The following TG variants were observed in gnomAD, a reference collection of about 807,000 sequenced individuals.
TG encodes thyroglobulin.
Under a neutral mutation model 324.7 loss-of-function variants are expected in TG, and 270 were observed. That is an observed-to-expected ratio of 0.83 (90% CI 0.75 to 0.92). The LOEUF is 0.92. Among genes scored for constraint, TG ranks in the 40% least tolerant of loss-of-function variants. The pLI is 0.00. For missense variants in TG, 3,591 were observed against 3,456.4 expected, an observed-to-expected ratio of 1.04 and a Z score of -0.98; for synonymous variants, 1,401 against 1,327.0, an observed-to-expected ratio of 1.06 and a Z score of -1.21.
intron 27 of TG, among the ~76,000 whole-genome samples, chr8:132,953,950 A>G (rs1826476691): frequency 1.3e-5 from 2 of 152,098 alleles, no homozygotes; most frequent in South Asian, 4.2e-4. Context: ...AATGGAAAAA[A>G]GGCAGATTAA....
intron 41 of TG, among the ~76,000 whole-genome samples, chr8:133,089,831 G>A (rs73354614): frequency 0.011 from 1,622 of 152,054 alleles, 38 homozygotes; most frequent in African/African-American, 0.038. Flanking sequence ...ACTCCCCCTC[G>A]GAATGGTCAC....
At position 132,917,282 on chromosome 8, in the gene TG, G is replaced by A. The variant is rs116379588; in HGVS notation, c.4379-2094G>A. 4.5e-3 allele frequency among the ~76,000 whole-genome samples: 686 copies of A among 152,102 alleles called. 6 individuals are homozygous for A. Among genetic ancestry groups the A allele is most frequent in the African/African-American group, 0.016 (652 of 41,504 alleles). On this transcript the variant is annotated intron_variant, in intron 20 of 47. Transcript: ENST00000220616. Reference sequence around the variant, plus strand: ...GTTACATCACAGCCAGGGTGGTCAGGGCAGGTGTGCTGGGGTAGGAAATGC... The same window carrying A: ...GTTACATCACAGCCAGGGTGGTCAGAGCAGGTGTGCTGGGGTAGGAAATGC...
At position 132,898,772 on chromosome 8, in the gene TG, T is replaced by C. The variant is rs750060632; in HGVS notation, c.3218-26T>C. 76 of 1,610,400 alleles carry C rather than the reference T, an allele frequency of 4.7e-5. No homozygotes were observed. In the South Asian group the frequency reaches 7.9e-4, roughly 17 times the overall value. ...TTCTCTTGGCTCCCACGACCAGTCCTTTACAAGCACCTCTCTCTCCCACAG... is the reference window on the plus strand; with the variant it reads ...TTCTCTTGGCTCCCACGACCAGTCCCTTACAAGCACCTCTCTCTCCCACAG... On this transcript the variant is annotated intron_variant, in intron 13 of 47. Coordinates refer to ENST00000220616, the MANE Select transcript of TG (RefSeq NM_003235.5).
intron 23 of TG, among the ~76,000 whole-genome samples, 187 bp from the exon 24 acceptor site, chr8:132,933,374 C>A (rs374623519): frequency 0.12 from 317 of 2,742 alleles, no homozygotes; most frequent in East Asian, 0.19. Context: ...GTGTGTGTGC[C>A]TGTGTGTGTG....
intron 19 of TG, among the ~76,000 whole-genome samples, chr8:132,911,919 G>A (rs1163055114): frequency 2.6e-5 from 4 of 152,128 alleles, no homozygotes; most frequent in Non-Finnish European, 5.9e-5. Context: ...TTTAAAACAG[G>A]GCAGTCACGA....
intron 21 of TG, among the ~76,000 whole-genome samples, chr8:132,923,030 A>G (rs1821325738): frequency 6.6e-6 from 1 of 152,180 alleles, no homozygotes. Flanking sequence ...TGTGGGCCAG[A>G]AGAGGGCCCA....
chr8:133,117,457 G>A (rs1850790284), intron 45 of TG, among the ~76,000 whole-genome samples: 1 of 152,212 alleles, frequency 6.6e-6, no homozygotes, highest in Non-Finnish European at 1.5e-5. Context: ...TTTGAATGGA[G>A]GACTATGGGG....
chr8:133,124,512 C>A (rs778455980), intron 45 of TG, among the ~76,000 whole-genome samples: 1 of 152,184 alleles, frequency 6.6e-6, no homozygotes, highest in African/African-American at 2.4e-5. Flanking sequence ...CCATATCTAC[C>A]ATTTATTAGC....
chr8:133,107,299 G>A (rs1030534184), intron 43 of TG, among the ~76,000 whole-genome samples: 6 of 152,176 alleles, frequency 3.9e-5, no homozygotes, highest in African/African-American at 1.4e-4. Flanking sequence ...GGTTGATGCT[G>A]AGGCCCTGCT....
At chr8:132,881,724 G>A in intron 5 of TG, 139 bp from the exon 6 acceptor site, 1 of 716,296 alleles carries the variant, frequency 1.4e-6, no homozygotes, top group South Asian at 1.5e-5. Flanking sequence ...ACTGCAGGAA[G>A]CATGAAGCAA....
At chr8:132,908,369 G>A in intron 18 of TG, 29 bp downstream of exon 18, 1 of 1,612,008 alleles carries the variant, frequency 6.2e-7, no homozygotes, top group Non-Finnish European at 8.5e-7. Context: ...CCACAGTGAG[G>A]GCTTGGACTC....
rs1051237223 is a variant in TG at position 133,021,870 on chromosome 8, A to G, written c.6877-121A>G. 6.5e-6 allele frequency: 8 copies of G among 1,236,028 alleles called. No individual in the cohort carries two copies. The Middle Eastern group carries it at 5.8e-4, about 89-fold the overall frequency. The allele number at this position is 1,236,028 out of a possible 1,614,324, so 76.6% of individuals were successfully genotyped here. ...AGAGGGACACAGCTCCATCCACTGCATGGGGCTAAGTATGCCACAGAGCTG... is the reference window on the plus strand; with the variant it reads ...AGAGGGACACAGCTCCATCCACTGCGTGGGGCTAAGTATGCCACAGAGCTG... On this transcript the variant is annotated intron_variant, in intron 39 of 47. Transcript: ENST00000220616.
Position 132,901,519 on chromosome 8 carries a change from G to C in TG, c.3600G>C (p.Gly1200=). The C allele has an allele frequency of 6.2e-7, 1 of 1,613,840 alleles. No individual in the cohort carries two copies. The highest frequency in any genetic ancestry group is 1.1e-5 in the South Asian group (1 of 91,076). The stretch of plus-strand genomic sequence containing the variant: ...TGGACAGCGGAGAAGAGGTGCCTGG[G>C]ACGCGCGTGACCGGGGGCCAGCCCG... ...CVMDSGEEVP[G]TRVTGGQPAC... is the part of the protein sequence containing the mutation. The change falls in exon 16 of 48, where the codon GGG becomes GGC. Residue 1200 remains glycine (G), a synonymous_variant. Coordinates refer to ENST00000220616, the MANE Select transcript of TG (RefSeq NM_003235.5).
At chr8:132,899,640 T>C (rs574727728) in intron 14 of TG, among the ~76,000 whole-genome samples, 1 of 152,326 alleles carries the variant, frequency 6.6e-6, no homozygotes, top group Admixed American at 6.5e-5. Context: ...TTAGTCACTA[T>C]TGTTTAGTTT....
intron 26 of TG, among the ~76,000 whole-genome samples, chr8:132,943,424 C>A (rs532493079): frequency 6.6e-6 from 1 of 152,126 alleles, no homozygotes; most frequent in Non-Finnish European, 1.5e-5. Context: ...GTACTATCTG[C>A]AGAATCATGA....
At chr8:132,990,922 T>G (rs562062088) in intron 35 of TG, among the ~76,000 whole-genome samples, 71 of 151,844 alleles carry the variant, frequency 4.7e-4, no homozygotes, top group Middle Eastern at 3.4e-3. Flanking sequence ...CCAGTTTTTT[T>G]TTTTTTTTTT....
chr8:132,887,240 A>G lies in TG; in HGVS notation c.1868A>G (p.Glu623Gly), dbSNP rs1254253824. 1 of 1,606,348 alleles carries G rather than the reference A, an allele frequency of 6.2e-7. No individual in the cohort carries two copies. Among genetic ancestry groups the G allele is most frequent in the African/African-American group, 1.3e-5 (1 of 74,648 alleles). The change falls in exon 9 of 48, where the codon GAA (glutamate) becomes GGA (glycine). Residue 623 changes from glutamate (E) to glycine (G), a missense_variant. Coordinates refer to ENST00000220616, the MANE Select transcript of TG (RefSeq NM_003235.5). ...ERLFVPSCTT[E>G]GSYEDVQCFS... ...CTATTTGTCCCATCATGCACGACAG[A>G]AGGAAGCTATGAGGATGTCCAATGC...
chr8:132,873,095 T>G lies in TG; in HGVS notation c.512T>G (p.Leu171Arg). The G allele has an allele frequency of 6.2e-7, 1 of 1,614,226 alleles. No homozygotes were observed. Among genetic ancestry groups the G allele is most frequent in the Non-Finnish European group, 8.5e-7 (1 of 1,180,048 alleles). Residue 171 changes from leucine to arginine, a missense_variant, in exon 5 of 48, where the codon CTT becomes CGT. Transcript: ENST00000220616. ...AGCTGTGAAATAAGAAATCGTCGTC[T>G]TCTCCACGGGGTGGGAGATAAGTCA... ...PRSCEIRNRR[L>R]LHGVGDKSPP...
intron 35 of TG, among the ~76,000 whole-genome samples, chr8:133,008,416 C>T (rs964373314): frequency 1.3e-5 from 2 of 151,016 alleles, no homozygotes; most frequent in African/African-American, 2.4e-5. Context: ...ACTCACGATG[C>T]GATAAGCATG....
Sources: gnomAD v4.1 joint callset for allele counts (sites outside exome capture counted in the v4.1 genomes callset) on GRCh38, gnomAD v4.1.1 for gene constraint, MANE v1.5 for transcripts, NCBI Gene and HGNC (gene_info 2026-07-23, HGNC 2026-07-21) for gene names.